PRICKLE2: variants seen among roughly 807,000 people sequenced by gnomAD.
The protein encoded by PRICKLE2 is prickle planar cell polarity protein 2, also known as prickle-like protein 2.
In PRICKLE2, 21 loss-of-function variants were observed where a neutral mutation model predicts 81.4. That is an observed-to-expected ratio of 0.26 (90% CI 0.18 to 0.37). The LOEUF (loss-of-function observed/expected upper bound fraction) is 0.37, where lower values mean the gene tolerates loss of function less well. Ranked by LOEUF, PRICKLE2 falls within the 10% of genes least tolerant of loss-of-function variation. The pLI, the probability that PRICKLE2 is intolerant of heterozygous loss-of-function variation, is 1.00. For missense variants in PRICKLE2, 940 were observed against 1,109.0 expected (o/e 0.85, Z 2.16); for synonymous variants, 456 against 421.5 (o/e 1.08, Z -1.00).
intron 2 of PRICKLE2, among the ~76,000 whole-genome samples, chr3:64,243,160 C>T (rs2079293492): frequency 6.6e-6 from 1 of 152,200 alleles, no homozygotes. Flanking sequence ...CCCTTGAAGA[C>T]AGCTTTTTAA....
At chr3:64,218,817 A>G (rs1243565300) in intron 1 of PRICKLE2, among the ~76,000 whole-genome samples, 1 of 152,186 alleles carries the variant, frequency 6.6e-6, no homozygotes, top group East Asian at 1.9e-4. Flanking sequence ...GTTTAGAAGG[A>G]GTAGCATCAG....
At chr3:64,242,799 A>T (rs2079287066) in intron 2 of PRICKLE2, among the ~76,000 whole-genome samples, 1 of 152,268 alleles carries the variant, frequency 6.6e-6, no homozygotes, top group Admixed American at 6.5e-5. Context: ...CCCTGCCAGC[A>T]TTAATGATGG....
At chr3:64,198,267 AAT>A (rs2078500595) in intron 2 of PRICKLE2, among the ~76,000 whole-genome samples, 2 of 143,244 alleles carry the variant, frequency 1.4e-5, no homozygotes, top group African/African-American at 2.7e-5. Flanking sequence ...AAACAAAAAA[AAT>A]TTCAAGGGCT....
chr3:64,128,474 G>A (rs1273229287), intron 7 of PRICKLE2, among the ~76,000 whole-genome samples: 1 of 152,114 alleles, frequency 6.6e-6, no homozygotes, highest in Non-Finnish European at 1.5e-5. Context: ...TTGGCCAGGT[G>A]CGGTGGCCAA....
rs1331495762 is a variant in PRICKLE2 at position 64,147,434 on chromosome 3, C to T, written c.1056G>A (p.Leu352=). 1 of 1,614,232 alleles carries T rather than the reference C, an allele frequency of 6.2e-7. No individual in the cohort carries two copies. The highest frequency in any genetic ancestry group is 8.5e-7 in the Non-Finnish European group (1 of 1,180,048). Reference sequence around the variant, plus strand: ...TCACTTGCAGCTGGCTGTGCTGGTTCAGCATGGGCTCCTCCGTCTTGCCCT... The same window carrying T: ...TCACTTGCAGCTGGCTGTGCTGGTTTAGCATGGGCTCCTCCGTCTTGCCCT... ...KNKGKTEEPM[L]NQHSQLQVSS... Residue 352 remains leucine (L), a synonymous_variant, in exon 7 of 8, where the codon CTG becomes CTA. Transcript: ENST00000638394. This position sits in a 1 kb window ranked among gnomAD's most constrained non-coding sequence, Gnocchi z 5.0.
intron 2 of PRICKLE2, among the ~76,000 whole-genome samples, chr3:64,233,705 A>G (rs561140417): frequency 6.6e-6 from 1 of 152,342 alleles, no homozygotes; most frequent in East Asian, 1.9e-4. Flanking sequence ...ATATTGAAAT[A>G]TAATTAATAT....
chr3:64,153,386 A>G lies in PRICKLE2; in HGVS notation c.601-18T>C, dbSNP rs745776043. The G allele has an allele frequency of 6.2e-7, 1 of 1,613,486 alleles. No individual in the cohort carries two copies. Among genetic ancestry groups the G allele is most frequent in the Non-Finnish European group, 8.5e-7 (1 of 1,179,856 alleles). Reference sequence around the variant, plus strand: ...AAGATGATCTGGAGATGGGGAAGCCAAATGGTCAGTGTGTAAAACCCATCC... The same window carrying G: ...AAGATGATCTGGAGATGGGGAAGCCGAATGGTCAGTGTGTAAAACCCATCC... On this transcript the variant is annotated intron_variant, in intron 5 of 7. Coordinates refer to ENST00000638394, the MANE Select transcript of PRICKLE2 (RefSeq NM_198859.4).
intron 3 of PRICKLE2, among the ~76,000 whole-genome samples, chr3:64,161,123 G>A (rs1306188569): frequency 1.6e-5 from 2 of 127,146 alleles, no homozygotes; most frequent in East Asian, 4.5e-4. Flanking sequence ...GTGAGTTAGA[G>A]AGATATGAGA....
intron 2 of PRICKLE2, among the ~76,000 whole-genome samples, chr3:64,236,851 T>C (rs1358593298): frequency 6.6e-6 from 1 of 152,228 alleles, no homozygotes; most frequent in Non-Finnish European, 1.5e-5. Context: ...CTTTGTATGG[T>C]GTCAAATACA....
intron 6 of PRICKLE2, among the ~76,000 whole-genome samples, chr3:64,150,161 G>C (rs780543986): frequency 9.9e-5 from 15 of 151,956 alleles, no homozygotes; most frequent in Non-Finnish European, 2.9e-5. Flanking sequence ...CTCTGTAGTA[G>C]TTAAGCATAA....
At chr3:64,139,852 C>G (rs696012) in intron 7 of PRICKLE2, among the ~76,000 whole-genome samples, 5 of 152,128 alleles carry the variant, frequency 3.3e-5, no homozygotes, top group Admixed American at 2.0e-4. Context: ...GACCCTTCCC[C>G]TATCCCTGAA....
intron 1 of PRICKLE2, among the ~76,000 whole-genome samples, chr3:64,201,621 C>T (rs2078582052): frequency 6.6e-6 from 1 of 152,060 alleles, no homozygotes; most frequent in Admixed American, 6.6e-5. Context: ...AAGCTTTCTT[C>T]ACATATTTTC....
At chr3:64,128,766 C>T (rs1183396921) in intron 7 of PRICKLE2, among the ~76,000 whole-genome samples, 6 of 137,608 alleles carry the variant, frequency 4.4e-5, no homozygotes, top group Non-Finnish European at 9.2e-5. Flanking sequence ...AAAAAAAAGG[C>T]ATATTCAATG....
rs144255291 is a variant in PRICKLE2 at position 64,203,855 on chromosome 3, G to A, written c.-40-4888C>T. 6.8e-3 allele frequency among the ~76,000 whole-genome samples: 1,025 copies of A among 151,432 alleles called. 2 individuals carry two copies. Among genetic ancestry groups the A allele is most frequent in the Non-Finnish European group, 8.7e-3 (590 of 67,922 alleles). ...CAGCTGGGCATGGTGGTGGGCACTT[G>A]TAGTCCCAGCTACTCAGGAGGTGGA... On this transcript the variant is annotated intron_variant, in intron 1 of 7. Coordinates refer to ENST00000638394, the MANE Select transcript of PRICKLE2 (RefSeq NM_198859.4).
At chr3:64,236,189 C>G (rs144619864) in intron 2 of PRICKLE2, among the ~76,000 whole-genome samples, 4 of 152,196 alleles carry the variant, frequency 2.6e-5, no homozygotes. Flanking sequence ...AGTTGATGCC[C>G]AACACCTAGC....
Position 64,199,280 on chromosome 3 carries a change from G to A in PRICKLE2, c.-40-313C>T, listed in dbSNP as rs696018. On this transcript the variant is annotated intron_variant, in intron 1 of 7. Coordinates refer to ENST00000638394, the MANE Select transcript of PRICKLE2 (RefSeq NM_198859.4). ...TGGTAATATAGTTTTTATTTTACTA[G>A]GTAGACCACTGGATATGGCCCATGA... is the stretch of plus-strand genomic sequence containing the variant. 0.33 allele frequency: 164,779 copies of A among 497,194 alleles called. 30,311 individuals are homozygous for A. Among genetic ancestry groups the A allele is most frequent in the East Asian group, 0.62 (17,184 of 27,774 alleles). The allele number at this position is 497,194 out of a possible 1,614,324, so 30.8% of individuals were successfully genotyped here.
At chr3:64,141,905 C>A in intron 7 of PRICKLE2, 3 of 984,760 alleles carry the variant, frequency 3.0e-6, no homozygotes, top group Non-Finnish European at 3.6e-6. Context: ...GATCAAGGTG[C>A]TTTCACTAAG....
rs779097615 is a variant in PRICKLE2, at chr3:64,092,715, A to G, written c.*6336T>C. 1.3e-5 allele frequency: 2 copies of G among 152,226 alleles called. No homozygotes were observed. Among genetic ancestry groups the G allele is most frequent in the African/African-American group, 2.4e-5 (1 of 41,460 alleles). The allele number at this position is 152,226 out of a possible 1,614,324, so 9.4% of individuals were successfully genotyped here. A position where few individuals can be genotyped will look rare whatever the true frequency, so the allele number is the denominator to read the frequency against. ...ATTTTTGGGTCATCTGCTGCTTTCA[A>G]TTCTTGCTAATAACTGAAAATTAAC... On this transcript the variant is annotated 3_prime_UTR_variant, in exon 8 of 8. Coordinates refer to ENST00000638394, the MANE Select transcript of PRICKLE2 (RefSeq NM_198859.4).
At chr3:64,173,083 C>A (rs377262494) in intron 2 of PRICKLE2, among the ~76,000 whole-genome samples, 4 of 152,264 alleles carry the variant, frequency 2.6e-5, no homozygotes, top group Middle Eastern at 3.4e-3. Flanking sequence ...TGGGAAACCA[C>A]CCCTAGGTGG....
Sources: allele counts gnomAD v4.1 joint callset (sites outside exome capture counted in the v4.1 genomes callset), GRCh38; gene constraint gnomAD v4.1.1; non-coding constraint Gnocchi (gnomAD v3.1); transcripts MANE v1.5; gene names NCBI Gene and HGNC (gene_info 2026-07-23, HGNC 2026-07-21).